The following DROSHA variants were observed in gnomAD, a reference collection of about 807,000 sequenced individuals.
DROSHA encodes ribonuclease 3.
A neutral mutation model predicts 181.9 loss-of-function variants in DROSHA; 56 were observed. The ratio of observed to expected loss-of-function variants is 0.31; its 90% confidence interval spans 0.25 to 0.38. The LOEUF (loss-of-function observed/expected upper bound fraction) is 0.38. Ranked by LOEUF, DROSHA falls within the 10% of genes least tolerant of loss-of-function variation. The pLI is 1.00. For missense variants in DROSHA, 1,218 were observed against 1,743.5 expected (o/e 0.70, Z 5.37); for synonymous variants, 524 against 591.2 (o/e 0.89, Z 1.65).
At position 31,424,446 on chromosome 5, in the gene DROSHA, T is replaced by A; in HGVS notation, c.3242A>T (p.Tyr1081Phe). 1 of 1,598,686 alleles carries A rather than the reference T, an allele frequency of 6.3e-7. No homozygotes were observed. Residue 1081 changes from tyrosine to phenylalanine, a missense_variant, in exon 28 of 36, where the codon TAT becomes TTT. Physicochemically the swap from Tyr to Phe is conservative, Grantham distance 22. Around this residue, in one of 8 missense-constraint regions of DROSHA, gnomAD observed 71 missense variants for 95.2 expected, o/e 0.75. Coordinates refer to ENST00000344624, the MANE Select transcript of DROSHA (RefSeq NM_001382508.1). ...DPDLREVWLNYPLHPLQLQEP... is the reference protein window; with the variant it reads ...DPDLREVWLNFPLHPLQLQEP... ...ACTTACTTGGAGTGGGTGGAGAGGA[T>A]AATTGAGCCAGACTTCGCGCAGGTC...
At chr5:31,445,357 C>A (rs1346072234) in intron 23 of DROSHA, among the ~76,000 whole-genome samples, 1 of 152,132 alleles carries the variant, frequency 6.6e-6, no homozygotes, top group Admixed American at 6.5e-5. Flanking sequence ...GCCTCAAGAC[C>A]ACACATAAAT....
At chr5:31,422,993 TAA>T in intron 28 of DROSHA, 49 bp from the exon 29 acceptor site, 1 of 1,449,328 alleles carries the variant, frequency 6.9e-7, no homozygotes, top group Non-Finnish European at 9.1e-7. Flanking sequence ...TTTTTGGTTG[TAA>T]GTGCAATGAT....
chr5:31,470,009 T>A lies in DROSHA; in HGVS notation c.2242-1946A>T, dbSNP rs1379977138. 6.6e-6 allele frequency among the ~76,000 whole-genome samples: 1 copy of A among 152,246 alleles called. No homozygotes were observed. Among genetic ancestry groups the A allele is most frequent in the Non-Finnish European group, 1.5e-5 (1 of 68,048 alleles). ...GTAGTGTGGTGTCTACCTTGTCGTATGAGTAACTTGCACACTTCTCAGTAG... is the reference window on the plus strand; with the variant it reads ...GTAGTGTGGTGTCTACCTTGTCGTAAGAGTAACTTGCACACTTCTCAGTAG... On this transcript the variant is annotated intron_variant, in intron 17 of 35. Transcript: ENST00000344624. This position sits in a 1 kb window ranked among gnomAD's most constrained non-coding sequence, Gnocchi z 4.0.
chr5:31,466,810 T>G (rs536313672), intron 18 of DROSHA, among the ~76,000 whole-genome samples: 1 of 152,320 alleles, frequency 6.6e-6, no homozygotes, highest in East Asian at 1.9e-4. Flanking sequence ...GATAAAAGAC[T>G]AATGGTGTAT....
At chr5:31,529,167 A>G in intron 3 of DROSHA, 62 bp from the exon 4 acceptor site, 2 of 1,417,134 alleles carry the variant, frequency 1.4e-6, no homozygotes, top group Non-Finnish European at 1.9e-6. Context: ...ATGCTACAAA[A>G]TATTTCTGCA....
intron 6 of DROSHA, among the ~76,000 whole-genome samples, chr5:31,518,925 T>G (rs1445238738): frequency 6.6e-6 from 1 of 152,222 alleles, no homozygotes; most frequent in Admixed American, 6.5e-5. Flanking sequence ...CAGGGTCAGT[T>G]GTTGTGAACA....
At chr5:31,430,272 G>A (rs1744012150) in intron 26 of DROSHA, among the ~76,000 whole-genome samples, 1 of 152,196 alleles carries the variant, frequency 6.6e-6, no homozygotes, top group South Asian at 2.1e-4. Context: ...GAGTAACAGT[G>A]GTAGCAGCTG....
intron 13 of DROSHA, among the ~76,000 whole-genome samples, chr5:31,489,275 A>G (rs1275133228): frequency 1.3e-5 from 2 of 152,252 alleles, no homozygotes; most frequent in African/African-American, 4.8e-5. Context: ...CCTTGCTATC[A>G]TAGGAAAAAG....
At chr5:31,404,264 T>G (rs1237243816) in intron 35 of DROSHA, among the ~76,000 whole-genome samples, 4 of 152,148 alleles carry the variant, frequency 2.6e-5, no homozygotes, top group Non-Finnish European at 5.9e-5. Context: ...GTTTTATAGT[T>G]GAAAACAAAC....
chr5:31,431,366 C>CAAAAAAAAAAAAAAAAA (rs58316191), intron 26 of DROSHA, among the ~76,000 whole-genome samples: 1 of 57,648 alleles, frequency 1.7e-5, no homozygotes, highest in Non-Finnish European at 3.2e-5. Flanking sequence ...CAGTAGAATG[C>CAAAAAAAAAAAAAAAAA]AAAAAAAAAA....
chr5:31,410,533 T>G (rs1357321538), intron 31 of DROSHA, among the ~76,000 whole-genome samples: 4 of 152,232 alleles, frequency 2.6e-5, no homozygotes, highest in Non-Finnish European at 5.9e-5. Flanking sequence ...GGGGTACCAC[T>G]GAACATAGAT....
intron 27 of DROSHA, among the ~76,000 whole-genome samples, chr5:31,429,236 A>G (rs1435618842): frequency 1.3e-5 from 2 of 152,168 alleles, no homozygotes; most frequent in African/African-American, 2.4e-5. Context: ...TATTTAATTT[A>G]TAAGTGACCA....
At chr5:31,418,318 C>T (rs565772810) in intron 30 of DROSHA, among the ~76,000 whole-genome samples, 1 of 152,092 alleles carries the variant, frequency 6.6e-6, no homozygotes, top group Non-Finnish European at 1.5e-5. Context: ...GAGAGTCTTG[C>T]TCTGTTGCCC....
At chr5:31,475,641 T>C (rs1434858514) in intron 16 of DROSHA, among the ~76,000 whole-genome samples, 1 of 152,140 alleles carries the variant, frequency 6.6e-6, no homozygotes, top group Admixed American at 6.5e-5. Context: ...AAGAAAATAG[T>C]TTTTGGCTTA....
intron 13 of DROSHA, among the ~76,000 whole-genome samples, chr5:31,488,570 G>A (rs1401246933): frequency 6.6e-6 from 1 of 152,196 alleles, no homozygotes; most frequent in Non-Finnish European, 1.5e-5. Flanking sequence ...CGTGGAGAGA[G>A]AGAGATGCCA....
chr5:31,500,227 G>T (rs547972012), intron 11 of DROSHA, among the ~76,000 whole-genome samples: 2 of 152,328 alleles, frequency 1.3e-5, no homozygotes, highest in South Asian at 2.1e-4. Context: ...GCCCCAACTG[G>T]GGAGGTGCTG....
intron 20 of DROSHA, among the ~76,000 whole-genome samples, chr5:31,459,924 C>T (rs1265453304): frequency 6.6e-6 from 1 of 152,166 alleles, no homozygotes; most frequent in Non-Finnish European, 1.5e-5. Flanking sequence ...TACAATGTCT[C>T]CGCATTTGGC....
intron 23 of DROSHA, among the ~76,000 whole-genome samples, chr5:31,446,511 TAA>T (rs1304066072): frequency 6.9e-6 from 1 of 144,360 alleles, no homozygotes; most frequent in Non-Finnish European, 1.5e-5. Flanking sequence ...TACTTCAGAA[TAA>T]ATTTTGCAAA....
intron 31 of DROSHA, 75 bp downstream of exon 31, chr5:31,410,670 GA>G: frequency 6.7e-7 from 1 of 1,495,778 alleles, no homozygotes; most frequent in Non-Finnish European, 9.0e-7. Flanking sequence ...TAATAATAAT[GA>G]GGAGGAGGAC....
Sources: allele counts gnomAD v4.1 joint callset (sites outside exome capture counted in the v4.1 genomes callset), GRCh38; gene constraint gnomAD v4.1.1; regional missense constraint gnomAD v4.1.1; non-coding constraint Gnocchi (gnomAD v3.1); transcripts MANE v1.5; gene names NCBI Gene and HGNC (gene_info 2026-07-23, HGNC 2026-07-21).